MBD2: variants seen among roughly 807,000 people sequenced by gnomAD.
MBD2 encodes the protein methyl-CpG binding domain protein 2.
MBD2 carries 9 observed loss-of-function variants against 39.3 expected under a neutral mutation model. That is an observed-to-expected ratio of 0.23 (90% CI 0.14 to 0.40). The LOEUF (loss-of-function observed/expected upper bound fraction) is 0.40. Ranked by LOEUF, MBD2 falls within the 10% of genes least tolerant of loss-of-function variation. MBD2 has a pLI of 1.00. For synonymous variants in MBD2, 233 were observed against 211.1 expected (o/e 1.10, Z -0.90); for missense variants, 458 against 532.6 (o/e 0.86, Z 1.38).
At chr18:54,184,718 C>G (rs945619747) in intron 3 of MBD2, among the ~76,000 whole-genome samples, 2 of 152,106 alleles carry the variant, frequency 1.3e-5, no homozygotes, top group Non-Finnish European at 2.9e-5. Flanking sequence ...CATGCCTGTT[C>G]TAAAGATTTC....
chr18:54,186,143 C>T (rs2086285066), intron 3 of MBD2, among the ~76,000 whole-genome samples: 1 of 152,088 alleles, frequency 6.6e-6, no homozygotes, highest in East Asian at 1.9e-4. Context: ...AAGCCTAATC[C>T]TAGTTATAGG....
intron 1 of MBD2, among the ~76,000 whole-genome samples, chr18:54,223,217 G>T (rs930283190): frequency 6.6e-6 from 1 of 152,132 alleles, no homozygotes; most frequent in African/African-American, 2.4e-5. Flanking sequence ...CATGACCACG[G>T]GATTGCAAGA....
chr18:54,217,047 C>T (rs1291533114), intron 1 of MBD2, among the ~76,000 whole-genome samples: 3 of 152,126 alleles, frequency 2.0e-5, no homozygotes, highest in African/African-American at 7.2e-5. Context: ...GGAGATCACG[C>T]CACTGCACTC....
chr18:54,165,114 A>G (rs1290201204), intron 4 of MBD2, among the ~76,000 whole-genome samples: 1 of 152,194 alleles, frequency 6.6e-6, no homozygotes, highest in Non-Finnish European at 1.5e-5. Context: ...ATCCCTTTTA[A>G]TGTATTCCTA....
At chr18:54,156,225 A>T (rs996827216) in intron 6 of MBD2, among the ~76,000 whole-genome samples, 9 of 152,186 alleles carry the variant, frequency 5.9e-5, no homozygotes, top group African/African-American at 2.2e-4. Context: ...AGTAAGGTAA[A>T]TGTAATTTTC....
At chr18:54,204,477 C>T (rs990182655) in intron 2 of MBD2, among the ~76,000 whole-genome samples, 2 of 152,090 alleles carry the variant, frequency 1.3e-5, no homozygotes, top group Non-Finnish European at 2.9e-5. Context: ...AATTGCTATA[C>T]AATAAACTAT....
intron 1 of MBD2, among the ~76,000 whole-genome samples, chr18:54,206,976 G>A (rs549866140): frequency 2.0e-5 from 3 of 152,232 alleles, no homozygotes; most frequent in African/African-American, 7.2e-5. Context: ...TGTCAGTGGC[G>A]CTGCTGTCCA....
At chr18:54,212,903 G>T (rs533908949) in intron 1 of MBD2, among the ~76,000 whole-genome samples, 1 of 151,614 alleles carries the variant, frequency 6.6e-6, no homozygotes, top group Admixed American at 6.6e-5. Flanking sequence ...ATGGTGGCAC[G>T]TGCCTGTAGT....
intron 1 of MBD2, among the ~76,000 whole-genome samples, chr18:54,212,041 A>G (rs746595530): frequency 2.6e-5 from 4 of 152,128 alleles, no homozygotes; most frequent in African/African-American, 4.8e-5. Flanking sequence ...TATTTTTAGT[A>G]GAGACGGGGT....
At chr18:54,158,399 C>T (rs1405560600) in intron 6 of MBD2, among the ~76,000 whole-genome samples, 1 of 152,068 alleles carries the variant, frequency 6.6e-6, no homozygotes, top group African/African-American at 2.4e-5. Context: ...ATATTAGCAC[C>T]CCATCCCTCC....
intron 1 of MBD2, among the ~76,000 whole-genome samples, chr18:54,217,879 CA>C (rs1443740193): frequency 1.3e-5 from 2 of 152,268 alleles, no homozygotes; most frequent in Non-Finnish European, 2.9e-5. Context: ...AGATGTAGGA[CA>C]GACAGCAATG....
At chr18:54,194,971 T>G (rs2086353835) in intron 2 of MBD2, among the ~76,000 whole-genome samples, 1 of 152,058 alleles carries the variant, frequency 6.6e-6, no homozygotes. Flanking sequence ...TGTACCATGG[T>G]AATATTGCAT....
At chr18:54,177,141 T>C (rs2144296599) in intron 3 of MBD2, among the ~76,000 whole-genome samples, 1 of 152,334 alleles carries the variant, frequency 6.6e-6, no homozygotes, top group Non-Finnish European at 1.5e-5. Context: ...AAAGCTACAA[T>C]CATTTTCTTA....
At chr18:54,213,031 CAAA>C (rs1302306413) in intron 1 of MBD2, among the ~76,000 whole-genome samples, 1 of 60,576 alleles carries the variant, frequency 1.7e-5, no homozygotes, top group Non-Finnish European at 3.0e-5. Flanking sequence ...GACCCTGTCT[CAAA>C]AAAAAAAAAA....
In MBD2 at chr18:54,208,054, AAAC is replaced by A. The variant is rs202240027; in HGVS notation, c.543-2900_543-2898del. Reference sequence around the variant, plus strand: ...GTCTGTCTCAAAAAACAACAACAAAAAACAACAACAACAACAAAAAGCTGCAAT... The same window carrying A: ...GTCTGTCTCAAAAAACAACAACAAAAAACAACAACAACAAAAAGCTGCAAT... On this transcript the variant is annotated intron_variant, in intron 1 of 6. Transcript: ENST00000256429. 1.1e-4 allele frequency among the ~76,000 whole-genome samples: 17 copies of A among 151,756 alleles called. No homozygotes were observed. The East Asian group carries it at 1.2e-3, about 10-fold the overall frequency.
At chr18:54,197,566 A>C (rs2086375965) in intron 2 of MBD2, among the ~76,000 whole-genome samples, 1 of 152,186 alleles carries the variant, frequency 6.6e-6, no homozygotes, top group Non-Finnish European at 1.5e-5. Context: ...CCCTAAAGTG[A>C]CCTCAGTAAA....
In MBD2 at chr18:54,203,792, A is replaced by AC. The variant is rs1229026749; in HGVS notation, c.702+1205dup. 7.2e-5 allele frequency among the ~76,000 whole-genome samples: 11 copies of AC among 152,296 alleles called. No homozygotes were observed. In the South Asian group the frequency reaches 1.9e-3, roughly 26 times the overall value. On this transcript the variant is annotated intron_variant, in intron 2 of 6. Coordinates refer to ENST00000256429, the MANE Select transcript of MBD2 (RefSeq NM_003927.5). ...TGCAGGCCACCAGGCAACACTGTTC[A>AC]CCAAGGTGGCTTGGTGCTCAGGAAG...
At chr18:54,217,554 C>G (rs1239436641) in intron 1 of MBD2, among the ~76,000 whole-genome samples, 1 of 152,158 alleles carries the variant, frequency 6.6e-6, no homozygotes, top group Non-Finnish European at 1.5e-5. Flanking sequence ...TCTAATTCAT[C>G]ATGCATGTCT....
chr18:54,197,623 T>C (rs1231578828), intron 2 of MBD2, among the ~76,000 whole-genome samples: 2 of 152,208 alleles, frequency 1.3e-5, no homozygotes, highest in Non-Finnish European at 2.9e-5. Context: ...GAACTCACCC[T>C]TTAGTACTCT....
Sources: gnomAD v4.1 joint callset for allele counts (sites outside exome capture counted in the v4.1 genomes callset) on GRCh38, gnomAD v4.1.1 for gene constraint, MANE v1.5 for transcripts, NCBI Gene and HGNC (gene_info 2026-07-23, HGNC 2026-07-21) for gene names.